The following PPP3CA variants were observed in gnomAD, a reference collection of about 807,000 sequenced individuals.
PPP3CA encodes the protein CAM-PRP catalytic subunit.
PPP3CA carries 14 observed loss-of-function variants against 66.5 expected under a neutral mutation model. That is an observed-to-expected ratio of 0.21 (90% CI 0.14 to 0.33). The LOEUF (loss-of-function observed/expected upper bound fraction) is 0.33. Ranked by LOEUF, PPP3CA falls within the 10% of genes least tolerant of loss-of-function variation. The pLI is 1.00. For missense variants in PPP3CA, 317 were observed against 639.5 expected, an observed-to-expected ratio of 0.50 and a Z score of 5.44; for synonymous variants, 232 against 226.2, an observed-to-expected ratio of 1.03 and a Z score of -0.23.
chr4:101,333,808 T>A (rs1729534081), intron 1 of PPP3CA, among the ~76,000 whole-genome samples: 1 of 152,216 alleles, frequency 6.6e-6, no homozygotes, highest in Non-Finnish European at 1.5e-5. Context: ...AGCTTATCAC[T>A]CCCTTTTCTG....
intron 1 of PPP3CA, among the ~76,000 whole-genome samples, chr4:101,303,863 T>C (rs1728455208): frequency 6.6e-6 from 1 of 152,188 alleles, no homozygotes; most frequent in Non-Finnish European, 1.5e-5. Flanking sequence ...CATCTTACTG[T>C]TTTTGTTTGT....
At chr4:101,277,843 C>T (rs931512271) in intron 1 of PPP3CA, among the ~76,000 whole-genome samples, 1 of 152,160 alleles carries the variant, frequency 6.6e-6, no homozygotes, top group Admixed American at 6.5e-5. Flanking sequence ...ATTCTGTCTA[C>T]ACCAGTGACT....
At chr4:101,053,637 G>A (rs1017906008) in intron 10 of PPP3CA, among the ~76,000 whole-genome samples, 1 of 151,958 alleles carries the variant, frequency 6.6e-6, no homozygotes, top group Non-Finnish European at 1.5e-5. Context: ...GGCATTTCTA[G>A]AATTACACGT....
At chr4:101,167,064 C>T (rs922384475) in intron 2 of PPP3CA, among the ~76,000 whole-genome samples, 2 of 152,132 alleles carry the variant, frequency 1.3e-5, no homozygotes, top group African/African-American at 4.8e-5. Context: ...AGTTAAACTC[C>T]AAATTCCATT....
chr4:101,220,997 G>T (rs528815035), intron 1 of PPP3CA, among the ~76,000 whole-genome samples: 1 of 151,760 alleles, frequency 6.6e-6, no homozygotes, highest in East Asian at 1.9e-4. Flanking sequence ...CCAGTGAATA[G>T]AATTTTTATT....
At chr4:101,119,726 C>T (rs1721965790) in intron 2 of PPP3CA, among the ~76,000 whole-genome samples, 1 of 151,962 alleles carries the variant, frequency 6.6e-6, no homozygotes, top group African/African-American at 2.4e-5. Context: ...TCCACATATT[C>T]ATTATTAATT....
chr4:101,044,686 G>A (rs548948552), intron 10 of PPP3CA, among the ~76,000 whole-genome samples: 31 of 152,044 alleles, frequency 2.0e-4, no homozygotes, highest in African/African-American at 7.2e-4. Flanking sequence ...TATGCCTAGG[G>A]TATCATGTTA....
At position 101,106,445 on chromosome 4, in the gene PPP3CA, GAAAGAAAGAGAAAAGAAA is replaced by G. The variant is rs1730715234; in HGVS notation, c.384+2491_384+2508del. Reference sequence around the variant, plus strand: ...AGAAAGAAAGAAAGAAAGAAAGAAAGAAAGAAAGAGAAAAGAAAAGAAAAGAAAAGAAAAGAAAAGAAA... The same window carrying G: ...AGAAAGAAAGAAAGAAAGAAAGAAAGAGAAAAGAAAAGAAAAGAAAAGAAA... On this transcript the variant is annotated intron_variant, in intron 3 of 13. Transcript: ENST00000394854. 1.2e-3 allele frequency among the ~76,000 whole-genome samples: 15 copies of G among 12,190 alleles called. 1 individual carries two copies. The highest frequency in any genetic ancestry group is 1.8e-3 in the Non-Finnish European group (11 of 6,048). The allele number at this position is 12,190 out of a possible 152,430, so 8.0% of individuals were successfully genotyped here. A position where few individuals can be genotyped will look rare whatever the true frequency, so the allele number is the denominator to read the frequency against.
intron 1 of PPP3CA, among the ~76,000 whole-genome samples, chr4:101,248,888 C>T (rs1277419163): frequency 6.6e-6 from 1 of 152,080 alleles, no homozygotes; most frequent in African/African-American, 2.4e-5. Flanking sequence ...TGGCCGGGCG[C>T]GGTGGCTCAC....
chr4:101,319,275 T>C (rs1728970151), intron 1 of PPP3CA, among the ~76,000 whole-genome samples: 1 of 152,058 alleles, frequency 6.6e-6, no homozygotes, highest in Non-Finnish European at 1.5e-5. Flanking sequence ...TTATTACTTT[T>C]AAAAACTCTT....
chr4:101,171,433 G>A (rs138042063), intron 2 of PPP3CA, among the ~76,000 whole-genome samples: 112 of 151,228 alleles, frequency 7.4e-4, no homozygotes, highest in Middle Eastern at 3.5e-3. Flanking sequence ...GTGAAGTTCC[G>A]CTACATGACA....
chr4:101,117,860 G>C lies in PPP3CA; in HGVS notation c.260-8782C>G, dbSNP rs181029615. Among the ~76,000 whole-genome samples, 87 of 152,004 alleles carry C rather than the reference G, an allele frequency of 5.7e-4. 1 individual carries two copies. The highest frequency in any genetic ancestry group is 2.0e-3 in the African/African-American group (84 of 41,488). ...TTGATTATCATCACCAGCCCATCAA[G>C]AGTATTGGATGAACATTATAAGTTG... On this transcript the variant is annotated intron_variant, in intron 2 of 13. Transcript: ENST00000394854.
At chr4:101,037,074 G>T (rs1727286416) in intron 11 of PPP3CA, among the ~76,000 whole-genome samples, 1 of 152,126 alleles carries the variant, frequency 6.6e-6, no homozygotes, top group Non-Finnish European at 1.5e-5. Context: ...CTCTGTAGCT[G>T]GGAAGGGTAA....
At chr4:101,170,316 A>T (rs891295912) in intron 2 of PPP3CA, among the ~76,000 whole-genome samples, 2 of 152,122 alleles carry the variant, frequency 1.3e-5, no homozygotes, top group Non-Finnish European at 2.9e-5. Flanking sequence ...TCCCATAGAG[A>T]TCCAATGGCA....
At chr4:101,227,998 T>C (rs556718410) in intron 1 of PPP3CA, among the ~76,000 whole-genome samples, 1 of 151,812 alleles carries the variant, frequency 6.6e-6, no homozygotes, top group African/African-American at 2.4e-5. Flanking sequence ...TGACTTCATG[T>C]CTTTGCTATG....
chr4:101,255,361 C>A (rs149161241), intron 1 of PPP3CA, among the ~76,000 whole-genome samples: 1 of 151,844 alleles, frequency 6.6e-6, no homozygotes, highest in East Asian at 1.9e-4. Flanking sequence ...AAGGAAACAA[C>A]GTAATGTCTC....
intron 8 of PPP3CA, among the ~76,000 whole-genome samples, chr4:101,068,169 G>A (rs1728761994): frequency 6.6e-6 from 1 of 152,124 alleles, no homozygotes; most frequent in South Asian, 2.1e-4. Flanking sequence ...ATGGGAAAGA[G>A]GGAGAGAAAA....
At position 101,109,062 on chromosome 4, in the gene PPP3CA, A is replaced by G; in HGVS notation, c.276T>C (p.His92=). The change falls in exon 3 of 14, where the codon CAT becomes CAC. Residue 92 remains histidine, a synonymous_variant. Transcript: ENST00000394854. The stretch of plus-strand genomic sequence containing the variant: ...GCTTCATCAAATCAAAGAATTGTCC[A>G]TGAATGTCCCCACAAACTGAAAGAA... ...DAPVTVCGDI[H]GQFFDLMKLF... The G allele has an allele frequency of 6.2e-7, 1 of 1,613,424 alleles. No homozygotes were observed. The highest frequency in any genetic ancestry group is 8.5e-7 in the Non-Finnish European group (1 of 1,179,508).
At chr4:101,105,401 G>A (rs549042181) in intron 3 of PPP3CA, among the ~76,000 whole-genome samples, 4 of 151,418 alleles carry the variant, frequency 2.6e-5, no homozygotes, top group South Asian at 2.1e-4. Flanking sequence ...TCTTGACCTC[G>A]TGATCTGTTT....
Sources: allele counts gnomAD v4.1 joint callset (sites outside exome capture counted in the v4.1 genomes callset), GRCh38; gene constraint gnomAD v4.1.1; transcripts MANE v1.5; gene names NCBI Gene and HGNC (gene_info 2026-07-23, HGNC 2026-07-21).